The following SERPINB8 variants were observed in gnomAD, a reference collection of about 807,000 sequenced individuals.
The protein encoded by SERPINB8 is serpin B8.
A neutral mutation model predicts 35.3 loss-of-function variants in SERPINB8; 25 were observed. That is an observed-to-expected ratio of 0.71 (90% CI 0.52 to 0.99). The LOEUF (loss-of-function observed/expected upper bound fraction) is 0.99. Among genes scored for constraint, SERPINB8 ranks in the 50% least tolerant of loss-of-function variants. SERPINB8 has a pLI of 0.00. For missense variants in SERPINB8, 484 were observed against 446.5 expected (o/e 1.08, Z -0.76); for synonymous variants, 186 against 160.8 (o/e 1.16, Z -1.19).
rs542117080 is a variant in SERPINB8 at position 63,978,322 on chromosome 18, G to A, written c.14G>A (p.Cys5Tyr). Residue 5 changes from cysteine (C) to tyrosine (Y), a missense_variant, in exon 2 of 7, where the codon TGT becomes TAT. By Grantham distance (194) the Cys-to-Tyr change is radical. Coordinates refer to ENST00000397985, the MANE Select transcript of SERPINB8 (RefSeq NM_002640.4). ...AGACCTTCTCTGATGGATGACCTCT[G>A]TGAAGCAAATGGCACTTTTGCCATC... MDDL[C>Y]EANGTFAISL... is the part of the protein sequence containing the mutation. 4.3e-6 allele frequency: 7 copies of A among 1,614,080 alleles called. No individual in the cohort carries two copies. The South Asian group carries it at 4.4e-5, about 10-fold the overall frequency.
intron 1 of SERPINB8, among the ~76,000 whole-genome samples, chr18:64,003,365 G>C (rs2050884958): frequency 1.3e-5 from 2 of 152,150 alleles, no homozygotes; most frequent in Admixed American, 1.3e-4. Flanking sequence ...CTCCAGGGTA[G>C]GGACTGGGGA....
chr18:63,975,906 T>C (rs926767657), intron 1 of SERPINB8, among the ~76,000 whole-genome samples: 17 of 152,196 alleles, frequency 1.1e-4, no homozygotes, highest in Admixed American at 9.2e-4. Flanking sequence ...CCAGAAGACC[T>C]GTCCAAGACC....
chr18:64,014,251 G>C (rs577650008), intron 7 of SERPINB8, among the ~76,000 whole-genome samples: 1 of 152,184 alleles, frequency 6.6e-6, no homozygotes, highest in Non-Finnish European at 1.5e-5. Flanking sequence ...GAATGTACCA[G>C]GATAGGTATG....
chr18:64,010,551 C>T (rs752807714), downstream of SERPINB8, among the ~76,000 whole-genome samples: 8 of 152,228 alleles, frequency 5.3e-5, no homozygotes, highest in East Asian at 1.9e-4. Flanking sequence ...AGTTCTGGTG[C>T]GCTGTTCCCA....
chr18:63,976,608 A>C (rs1306255340), intron 1 of SERPINB8, among the ~76,000 whole-genome samples: 1 of 152,214 alleles, frequency 6.6e-6, no homozygotes, highest in Non-Finnish European at 1.5e-5. Flanking sequence ...AAGTTCTCTA[A>C]ATAAAATGCT....
downstream of SERPINB8, among the ~76,000 whole-genome samples, chr18:63,991,663 T>C (rs935643219): frequency 1.5e-5 from 2 of 136,420 alleles, no homozygotes; most frequent in Non-Finnish European, 3.1e-5. Flanking sequence ...CTTTCACATT[T>C]AGATAGCTTT....
downstream of SERPINB8, among the ~76,000 whole-genome samples, chr18:63,990,503 C>T (rs577333729): frequency 5.6e-3 from 848 of 150,376 alleles, 1 homozygote; most frequent in Middle Eastern, 0.01. Context: ...TTTTTTCAAT[C>T]TTTATTTTGC....
At chr18:63,995,393 C>A (rs184551814) in intron 1 of SERPINB8, among the ~76,000 whole-genome samples, 1 of 152,304 alleles carries the variant, frequency 6.6e-6, no homozygotes, top group East Asian at 1.9e-4. Flanking sequence ...TACCTCTGAT[C>A]CCCACAATCC....
At chr18:64,012,612 T>C (rs918943699) in intron 7 of SERPINB8, among the ~76,000 whole-genome samples, 1 of 152,050 alleles carries the variant, frequency 6.6e-6, no homozygotes. Context: ...TAATGACTTC[T>C]TGAGTTAGCT....
downstream of SERPINB8, among the ~76,000 whole-genome samples, chr18:64,007,864 G>T (rs1249196210): frequency 6.6e-6 from 1 of 151,940 alleles, no homozygotes; most frequent in Non-Finnish European, 1.5e-5. Flanking sequence ...GATTTGGGCG[G>T]GAACACAGAC....
chr18:63,997,236 C>T (rs561214759), intron 1 of SERPINB8, among the ~76,000 whole-genome samples: 27 of 152,312 alleles, frequency 1.8e-4, no homozygotes, highest in African/African-American at 5.3e-4. Flanking sequence ...ACGTGACTCA[C>T]GGCTGTGACA....
chr18:63,994,336 T>TC (rs1399920283), downstream of SERPINB8, among the ~76,000 whole-genome samples: 4 of 151,962 alleles, frequency 2.6e-5, no homozygotes, highest in Non-Finnish European at 5.9e-5. Context: ...CCCCTCTCTC[T>TC]TTCTCTCTCT....
At position 63,983,579 on chromosome 18, in the gene SERPINB8, G is replaced by T. The variant is rs778599245; in HGVS notation, c.425G>T (p.Gly142Val). Residue 142 changes from glycine to valine, a missense_variant and splice_region_variant, in exon 5 of 7, where the codon GGT becomes GTT. Transcript: ENST00000397985. ...CAATAAACTCTCATATTCTTTATAG[G>T]TAAGATTTCAGAGGTACTGGATGCT... ...INDWVAEKTE[G>V]KISEVLDAGT... 13 of 1,613,108 alleles carry T rather than the reference G, an allele frequency of 8.1e-6. No individual in the cohort carries two copies. The African/African-American group carries it at 1.6e-4, about 20-fold the overall frequency.
intron 7 of SERPINB8, among the ~76,000 whole-genome samples, chr18:64,018,023 C>G (rs1443196717): frequency 6.6e-6 from 1 of 152,166 alleles, no homozygotes; most frequent in Non-Finnish European, 1.5e-5. Flanking sequence ...AGTTCAAAAA[C>G]AGACTAAAAA....
chr18:63,972,302 G>C (rs894490101), intron 1 of SERPINB8, among the ~76,000 whole-genome samples: 1 of 152,004 alleles, frequency 6.6e-6, no homozygotes, highest in Non-Finnish European at 1.5e-5. Context: ...TGAACTTTAC[G>C]TATATGGAAT....
chr18:64,017,966 C>G (rs1568085169), intron 7 of SERPINB8, among the ~76,000 whole-genome samples: 2 of 152,094 alleles, frequency 1.3e-5, no homozygotes. Context: ...CATTACAAAC[C>G]ATGCTGGTCA....
At chr18:63,992,401 A>G (rs554617895), downstream of SERPINB8, among the ~76,000 whole-genome samples, 11 of 152,338 alleles carry the variant, frequency 7.2e-5, no homozygotes, top group South Asian at 2.3e-3. Flanking sequence ...AAAGTTGTTT[A>G]TAATAGTCTC....
chr18:63,995,920 T>C (rs1425758277), intron 1 of SERPINB8, among the ~76,000 whole-genome samples: 1 of 152,092 alleles, frequency 6.6e-6, no homozygotes, highest in Non-Finnish European at 1.5e-5. Flanking sequence ...AGGGAAGAAA[T>C]GTAACCATGT....
chr18:63,979,599 TTA>T (rs1355204983), intron 2 of SERPINB8, among the ~76,000 whole-genome samples, 200 bp from the exon 3 acceptor site: 4 of 152,192 alleles, frequency 2.6e-5, no homozygotes, highest in Non-Finnish European at 5.9e-5. Context: ...CCTACAATGC[TTA>T]TATGAGACAA....
Sources: allele counts gnomAD v4.1 joint callset (sites outside exome capture counted in the v4.1 genomes callset), GRCh38; gene constraint gnomAD v4.1.1; transcripts MANE v1.5; gene names NCBI Gene and HGNC (gene_info 2026-07-23, HGNC 2026-07-21).